The following CUEDC1 variants were observed in gnomAD, a reference collection of about 807,000 sequenced individuals.
The protein encoded by CUEDC1 is CUE domain-containing protein 1.
A neutral mutation model predicts 43.7 loss-of-function variants in CUEDC1; 30 were observed. That is an observed-to-expected ratio of 0.69 (90% confidence interval 0.51 to 0.93). CUEDC1 has a LOEUF of 0.93. Ranked by LOEUF, CUEDC1 falls within the 40% of genes least tolerant of loss-of-function variation. The probability of loss-of-function intolerance (pLI) is 0.00; values close to 1 mark genes in which losing one functional copy is unlikely to be tolerated. For missense variants in CUEDC1, 486 were observed against 549.0 expected (o/e 0.89, Z 1.15); for synonymous variants, 223 against 223.6 (o/e 1.00, Z 0.02).
intron 4 of CUEDC1, 84 bp from the exon 5 acceptor site, chr17:57,872,939 TG>T: frequency 7.7e-7 from 1 of 1,294,134 alleles, no homozygotes; most frequent in Non-Finnish European, 1.1e-6. Flanking sequence ...GTTGCACACA[TG>T]CCCTGTCCAA....
In CUEDC1 at chr17:57,879,628, G is replaced by C; in HGVS notation, c.447C>G (p.Pro149=). The C allele has an allele frequency of 6.3e-7, 1 of 1,593,764 alleles. No homozygotes were observed. The highest frequency in any genetic ancestry group is 1.7e-4 in the Middle Eastern group (1 of 6,012). Residue 149 remains proline, a synonymous_variant, in exon 3 of 11, where the codon CCC becomes CCG. Coordinates refer to ENST00000577830, the MANE Select transcript of CUEDC1 (RefSeq NM_001271875.2). ...ATTCTCACCGGGGAGGCGGAGTCGGGGGAGCCAGAGGGTAGGGCCGGTCGA... is the reference window on the plus strand; with the variant it reads ...ATTCTCACCGGGGAGGCGGAGTCGGCGGAGCCAGAGGGTAGGGCCGGTCGA... ...HVFDRPYPLA[P]PTPPPRIDAL...
chr17:57,885,504 G>T lies in CUEDC1; in HGVS notation c.61C>A (p.Arg21Ser). The change falls in exon 2 of 11, where the codon CGC becomes AGC. Residue 21 changes from arginine to serine, a missense_variant. Coordinates refer to ENST00000577830, the MANE Select transcript of CUEDC1 (RefSeq NM_001271875.2). ...GSGGGGTAGA[R>S]GGGGGTAAPQ... ...GCGGCCGTGCCTCCCCCGCCCCCGCGTGCCCCGGCGGTGCCACCCCCGCCG... is the reference window on the plus strand; with the variant it reads ...GCGGCCGTGCCTCCCCCGCCCCCGCTTGCCCCGGCGGTGCCACCCCCGCCG... 1 of 1,478,612 alleles carries T rather than the reference G, an allele frequency of 6.8e-7. No individual in the cohort carries two copies. Among genetic ancestry groups the T allele is most frequent in the South Asian group, 1.4e-5 (1 of 73,616 alleles). The allele number at this position is 1,478,612 out of a possible 1,614,324, so 91.6% of individuals were successfully genotyped here. A position where few individuals can be genotyped will look rare whatever the true frequency, so the allele number is the denominator to read the frequency against.
chr17:57,920,632 C>CTTTTCTTTTCTT (rs1184828294), intron 1 of CUEDC1, among the ~76,000 whole-genome samples: 1 of 115,214 alleles, frequency 8.7e-6, no homozygotes, highest in African/African-American at 3.1e-5. Flanking sequence ...TTTTTCTTTT[C>CTTTTCTTTTCTT]TTTTTTTTTT....
At chr17:57,869,553 C>T (rs1243735905) in intron 6 of CUEDC1, among the ~76,000 whole-genome samples, 1 of 152,240 alleles carries the variant, frequency 6.6e-6, no homozygotes, top group South Asian at 2.1e-4. Flanking sequence ...CAGGCTCCCG[C>T]TGCACCCAGA....
intron 1 of CUEDC1, among the ~76,000 whole-genome samples, chr17:57,952,177 G>T (rs951659586): frequency 6.6e-6 from 1 of 151,490 alleles, no homozygotes; most frequent in Non-Finnish European, 1.5e-5. Context: ...GCGCTTTAGG[G>T]TCTCCAATGC....
rs577751986 is a variant in CUEDC1 at position 57,954,487 on chromosome 17, C to T, written c.-316+738G>A. Among the ~76,000 whole-genome samples the T allele has an allele frequency of 1.3e-5, 2 of 152,220 alleles. No individual in the cohort carries two copies. Among genetic ancestry groups the T allele is most frequent in the East Asian group, 3.9e-4 (2 of 5,182 alleles). The stretch of plus-strand genomic sequence containing the variant: ...AGGGCAGTGCTGGGTGTAAGGCGAC[C>T]ACGCGACCGAGAAAAGGAAGAGGGA... On this transcript the variant is annotated intron_variant, in intron 1 of 10. Coordinates refer to ENST00000577830, the MANE Select transcript of CUEDC1 (RefSeq NM_001271875.2). The surrounding 1 kb of genome is among the most constrained non-coding windows in gnomAD (Gnocchi z 4.3).
intron 1 of CUEDC1, among the ~76,000 whole-genome samples, chr17:57,911,813 G>T (rs2074586628): frequency 6.6e-6 from 1 of 152,110 alleles, no homozygotes; most frequent in African/African-American, 2.4e-5. Flanking sequence ...GTCCCTATCA[G>T]CTCTTAAGGG....
chr17:57,865,861 C>T (rs2073950094), intron 10 of CUEDC1, among the ~76,000 whole-genome samples: 1 of 140,786 alleles, frequency 7.1e-6, no homozygotes, highest in African/African-American at 2.7e-5. Context: ...TCACTCTTGT[C>T]GCCCAGGCTG....
chr17:57,922,379 C>T (rs908394454), intron 1 of CUEDC1: 2 of 152,192 alleles, frequency 1.3e-5, no homozygotes, highest in Non-Finnish European at 2.9e-5. Context: ...CTGACCTCCC[C>T]CCTCTGTTCA....
chr17:57,873,703 C>G lies in CUEDC1; in HGVS notation c.479G>C (p.Gly160Ala). The G allele has an allele frequency of 6.3e-7, 1 of 1,586,502 alleles. No individual in the cohort carries two copies. The highest frequency in any genetic ancestry group is 8.6e-7 in the Non-Finnish European group (1 of 1,165,714). Reference sequence around the variant, plus strand: ...TCTCTGGCTTGTAGGGGCTCCAGAGCCCAGCGCGTCGATACTAGGGGATGG... The same window carrying G: ...TCTCTGGCTTGTAGGGGCTCCAGAGGCCAGCGCGTCGATACTAGGGGATGG... ...PTPPPRIDAL[G>A]SGAPTSQRRY... Residue 160 changes from glycine to alanine, a missense_variant, in exon 4 of 11, where the codon GGC (glycine) becomes GCC (alanine). By Grantham distance (60) the Gly-to-Ala change is moderately conservative. Coordinates refer to ENST00000577830, the MANE Select transcript of CUEDC1 (RefSeq NM_001271875.2).
intron 1 of CUEDC1, among the ~76,000 whole-genome samples, chr17:57,908,377 G>C (rs772129712): frequency 7.2e-5 from 11 of 152,106 alleles, no homozygotes; most frequent in African/African-American, 2.2e-4. Context: ...TCTTGAAGGA[G>C]AGAAGCACAG....
At chr17:57,931,045 T>A (rs1357414723) in intron 1 of CUEDC1, among the ~76,000 whole-genome samples, 1 of 151,992 alleles carries the variant, frequency 6.6e-6, no homozygotes, top group African/African-American at 2.4e-5. Flanking sequence ...TCCCAGCACT[T>A]AAGGAAGCTG....
chr17:57,919,443 G>A (rs1188780514), intron 1 of CUEDC1, among the ~76,000 whole-genome samples: 1 of 152,106 alleles, frequency 6.6e-6, no homozygotes, highest in East Asian at 1.9e-4. Context: ...GCCTCCCAAA[G>A]TGCTGGGATT....
In CUEDC1 at chr17:57,885,530, C is replaced by T. The variant is rs995940411; in HGVS notation, c.35G>A (p.Ser12Asn). The change falls in exon 2 of 11, where the codon AGC becomes AAC. Residue 12 changes from serine (S) to asparagine (N), a missense_variant. Transcript: ENST00000577830. ...TSLFRRSSSG[S>N]GGGGTAGARG... ...TGCCCCGGCGGTGCCACCCCCGCCGCTGCCGCTGCTGCTCCGGCGGAACAG... is the reference window on the plus strand; with the variant it reads ...TGCCCCGGCGGTGCCACCCCCGCCGTTGCCGCTGCTGCTCCGGCGGAACAG... The T allele has an allele frequency of 7.2e-7, 1 of 1,387,366 alleles. No homozygotes were observed. The allele number at this position is 1,387,366 out of a possible 1,614,324, so 85.9% of individuals were successfully genotyped here. A position where few individuals can be genotyped will look rare whatever the true frequency, so the allele number is the denominator to read the frequency against.
intron 1 of CUEDC1, among the ~76,000 whole-genome samples, chr17:57,934,480 C>T (rs1402552082): frequency 6.7e-6 from 1 of 149,418 alleles, no homozygotes; most frequent in Non-Finnish European, 1.5e-5. Flanking sequence ...TAGCTTGAGC[C>T]CACAAATTCC....
chr17:57,939,276 A>AT (rs1426369623), intron 1 of CUEDC1, among the ~76,000 whole-genome samples: 10 of 148,426 alleles, frequency 6.7e-5, no homozygotes, highest in Admixed American at 2.0e-4. Context: ...CTAGCTTTTT[A>AT]TTTTTTTGAG....
chr17:57,949,543 A>C (rs1598030028), intron 1 of CUEDC1, among the ~76,000 whole-genome samples: 2 of 105,396 alleles, frequency 1.9e-5, no homozygotes, highest in South Asian at 3.3e-4. Flanking sequence ...CCCCGAGCTC[A>C]GTAGGGGTGT....
chr17:57,887,512 T>TC (rs1414047110), intron 1 of CUEDC1, among the ~76,000 whole-genome samples: 1 of 151,474 alleles, frequency 6.6e-6, no homozygotes, highest in Non-Finnish European at 1.5e-5. Context: ...TTTTTTTTTT[T>TC]TTTCGGTCTC....
chr17:57,883,121 T>C (rs1016634820), intron 2 of CUEDC1, among the ~76,000 whole-genome samples: 5 of 152,156 alleles, frequency 3.3e-5, no homozygotes, highest in Admixed American at 1.3e-4. Flanking sequence ...TTCCACCACC[T>C]ACTCCAAGCA....
Sources: gnomAD v4.1 joint callset for allele counts (sites outside exome capture counted in the v4.1 genomes callset) on GRCh38, gnomAD v4.1.1 for gene constraint, Gnocchi (gnomAD v3.1) non-coding constraint, MANE v1.5 for transcripts, NCBI Gene and HGNC (gene_info 2026-07-23, HGNC 2026-07-21) for gene names.